DCC: variants seen among roughly 807,000 people sequenced by gnomAD.
DCC encodes netrin receptor DCC.
In DCC, 58 loss-of-function variants were observed where a neutral mutation model predicts 172.5. That is an observed-to-expected ratio of 0.34 (90% confidence interval 0.27 to 0.42). The LOEUF (loss-of-function observed/expected upper bound fraction) is 0.42. Among genes scored for constraint, DCC ranks in the 10% least tolerant of loss-of-function variants. The pLI is 1.00. For synonymous variants in DCC, 709 were observed against 644.5 expected, an observed-to-expected ratio of 1.10 and a Z score of -1.52; for missense variants, 1,740 against 1,791.0, an observed-to-expected ratio of 0.97 and a Z score of 0.51.
At chr18:52,678,658 G>C (rs540893168) in intron 1 of DCC, among the ~76,000 whole-genome samples, 1 of 152,262 alleles carries the variant, frequency 6.6e-6, no homozygotes, top group East Asian at 1.9e-4. Flanking sequence ...TATCATCTCT[G>C]TGTGTTTACA....
chr18:52,375,147 C>G (rs1218290991), intron 1 of DCC, among the ~76,000 whole-genome samples: 1 of 152,114 alleles, frequency 6.6e-6, no homozygotes, highest in African/African-American at 2.4e-5. Context: ...AAAATAAACC[C>G]AGATTTTTAG....
intron 5 of DCC, among the ~76,000 whole-genome samples, chr18:53,061,295 C>A (rs764368576): frequency 1.3e-5 from 2 of 152,024 alleles, no homozygotes; most frequent in Non-Finnish European, 2.9e-5. Flanking sequence ...TTTCTCTTCT[C>A]CCTCTATATT....
At chr18:52,462,624 A>T (rs1253267000) in intron 1 of DCC, among the ~76,000 whole-genome samples, 1 of 152,018 alleles carries the variant, frequency 6.6e-6, no homozygotes, top group Admixed American at 6.6e-5. Context: ...TCCCAGATAC[A>T]GTCTCTATCC....
At chr18:53,071,220 A>T (rs1599096589) in intron 7 of DCC, among the ~76,000 whole-genome samples, 1 of 152,224 alleles carries the variant, frequency 6.6e-6, no homozygotes, top group Non-Finnish European at 1.5e-5. Context: ...ATAGTTACCT[A>T]TTCCCTCTTT....
chr18:52,970,833 G>T (rs1282413864), intron 5 of DCC, among the ~76,000 whole-genome samples: 1 of 152,132 alleles, frequency 6.6e-6, no homozygotes, highest in Non-Finnish European at 1.5e-5. Context: ...AGTGGAGCTT[G>T]GGGTATTATT....
At chr18:53,121,659 CTT>C (rs1459696355) in intron 7 of DCC, among the ~76,000 whole-genome samples, 1 of 151,736 alleles carries the variant, frequency 6.6e-6, no homozygotes, top group Admixed American at 6.6e-5. Context: ...ATATTTAACT[CTT>C]TTTTCAAATA....
At position 52,714,086 on chromosome 18, in the gene DCC, C is replaced by T. The variant is rs984940294; in HGVS notation, c.92-37968C>T. Among the ~76,000 whole-genome samples, 10 of 152,166 alleles carry T rather than the reference C, an allele frequency of 6.6e-5. 1 individual carries two copies. The South Asian group carries it at 1.9e-3, about 28-fold the overall frequency. On this transcript the variant is annotated intron_variant, in intron 1 of 28. Transcript: ENST00000442544. ...TTATATGAATCTTATTTAATCCTTG[C>T]AACAGCCCTATATGACAAATGCTAT...
At chr18:52,637,720 T>C (rs2034810099) in intron 1 of DCC, among the ~76,000 whole-genome samples, 2 of 152,254 alleles carry the variant, frequency 1.3e-5, no homozygotes, top group South Asian at 4.1e-4. Flanking sequence ...AGAAGAGAAT[T>C]CTAAAAGCTT....
intron 5 of DCC, among the ~76,000 whole-genome samples, chr18:53,048,251 T>G (rs566088776): frequency 9.6e-4 from 146 of 151,980 alleles, no homozygotes; most frequent in Non-Finnish European, 1.5e-3. Flanking sequence ...AGGTATTTTT[T>G]TTTTTCTGAT....
At position 52,375,224 on chromosome 18, in the gene DCC, T is replaced by C. The variant is rs1364558994; in HGVS notation, c.91+34346T>C. Among the ~76,000 whole-genome samples, 3 of 152,178 alleles carry C rather than the reference T, an allele frequency of 2.0e-5. No homozygotes were observed. In the East Asian group the frequency reaches 5.8e-4, roughly 29 times the overall value. ...GTCAGTGACTTTAGGATTGTGAATC[T>C]CTTTACTATGAGAGGAGCCAAGATA... On this transcript the variant is annotated intron_variant, in intron 1 of 28. Transcript: ENST00000442544.
intron 1 of DCC, among the ~76,000 whole-genome samples, chr18:52,726,903 G>A (rs899434270): frequency 6.6e-6 from 1 of 152,176 alleles, no homozygotes; most frequent in African/African-American, 2.4e-5. Flanking sequence ...ACTGCTATTG[G>A]TGTTATCATC....
chr18:52,875,698 T>C (rs1232227822), intron 2 of DCC, among the ~76,000 whole-genome samples: 1 of 152,232 alleles, frequency 6.6e-6, no homozygotes, highest in Non-Finnish European at 1.5e-5. Flanking sequence ...CCTGGGAGGC[T>C]TCTGTATTTT....
chr18:53,201,509 A>G (rs867943808), intron 9 of DCC, among the ~76,000 whole-genome samples: 2 of 152,312 alleles, frequency 1.3e-5, no homozygotes, highest in South Asian at 4.1e-4. Flanking sequence ...TAGGTTCAGA[A>G]TCAGAAATGT....
At chr18:53,402,177 G>C (rs561600025) in intron 18 of DCC, among the ~76,000 whole-genome samples, 28 of 152,162 alleles carry the variant, frequency 1.8e-4, no homozygotes, top group African/African-American at 6.7e-4. Flanking sequence ...GAATTCTTCT[G>C]AAGACATGTA....
In DCC at chr18:52,925,327, TA is replaced by T. The variant is rs2040184914; in HGVS notation, c.947del (p.Asn316MetfsTer19). On this transcript the variant is annotated frameshift_variant, in exon 5 of 29. Coordinates refer to ENST00000442544, the MANE Select transcript of DCC (RefSeq NM_005215.4). LOFTEE classifies it high-confidence loss of function. ...GAATGTATACCTGTGTTGTCACATA[TA>T]AAAATGAGAATATTAGTGCCTCTGC... is the stretch of plus-strand genomic sequence containing the variant. ...SGMYTCVVTY[K>X]NENISASAEL... 6.2e-7 allele frequency: 1 copy of T among 1,612,678 alleles called. No individual in the cohort carries two copies. The highest frequency in any genetic ancestry group is 8.5e-7 in the Non-Finnish European group (1 of 1,178,938).
intron 1 of DCC, among the ~76,000 whole-genome samples, chr18:52,742,807 A>G (rs1162139311): frequency 6.6e-6 from 1 of 152,174 alleles, no homozygotes; most frequent in Non-Finnish European, 1.5e-5. Context: ...CTAACCGAAA[A>G]CAATCCAATT....
At chr18:52,407,525 A>G (rs369151694) in intron 1 of DCC, among the ~76,000 whole-genome samples, 3 of 152,002 alleles carry the variant, frequency 2.0e-5, no homozygotes, top group South Asian at 2.1e-4. Context: ...ACGCCCTTAT[A>G]TAAGGGCCTC....
At chr18:53,375,036 A>G (rs2058095669) in intron 15 of DCC, among the ~76,000 whole-genome samples, 1 of 152,158 alleles carries the variant, frequency 6.6e-6, no homozygotes, top group Non-Finnish European at 1.5e-5. Flanking sequence ...CCTGGCTTGG[A>G]ATCTGAGCAC....
chr18:52,986,632 A>G (rs1371746677), intron 5 of DCC, among the ~76,000 whole-genome samples: 5 of 151,934 alleles, frequency 3.3e-5, no homozygotes, highest in African/African-American at 9.7e-5. Flanking sequence ...TTATAAGTTT[A>G]TTGGTTTTTA....
Sources: gnomAD v4.1 joint callset for allele counts (sites outside exome capture counted in the v4.1 genomes callset) on GRCh38, gnomAD v4.1.1 for gene constraint, MANE v1.5 for transcripts, NCBI Gene and HGNC (gene_info 2026-07-23, HGNC 2026-07-21) for gene names.